The following HIRIP3 variants were observed in gnomAD, a reference collection of about 807,000 sequenced individuals.
HIRIP3 encodes the protein HIRA interacting protein 3.
In HIRIP3, 40 loss-of-function variants were observed where a neutral mutation model predicts 50.3. That is an observed-to-expected ratio of 0.79 (90% CI 0.62 to 1.03). The LOEUF is 1.03. Ranked by LOEUF, HIRIP3 falls within the 50% of genes least tolerant of loss-of-function variation. HIRIP3 has a pLI of 0.00. For missense variants in HIRIP3, 765 were observed against 705.4 expected, an observed-to-expected ratio of 1.08 and a Z score of -0.96; for synonymous variants, 318 against 261.6, an observed-to-expected ratio of 1.22 and a Z score of -2.08.
At chr16:29,996,024 C>G, upstream of HIRIP3, 1 of 583,106 alleles carries the variant, frequency 1.7e-6, no homozygotes. Context: ...CTTCAAGTGT[C>G]TAAGTACATT....
In HIRIP3 at chr16:29,993,955, C is replaced by T. The variant is rs376914744; in HGVS notation, c.1190G>A (p.Arg397Gln). 3 of 1,560,198 alleles carry T rather than the reference C, an allele frequency of 1.9e-6. No individual in the cohort carries two copies. Among genetic ancestry groups the T allele is most frequent in the Non-Finnish European group, 2.6e-6 (3 of 1,153,666 alleles). The stretch of plus-strand genomic sequence containing the variant: ...TCCATCTGAGGAGGAAGAGGAGCTT[C>T]GTGTCCTGCCTTTCCTGGAGCTCTT... ...SKKSSRKGRT[R>Q]SSSSSSDGSP... Residue 397 changes from arginine (R) to glutamine (Q), a missense_variant, in exon 4 of 7, where the codon CGA (arginine) becomes CAA (glutamine). Arg to Gln is a conservative substitution (Grantham distance 43, BLOSUM62 1). Coordinates refer to ENST00000279392, the MANE Select transcript of HIRIP3 (RefSeq NM_003609.5).
At position 29,994,177 on chromosome 16, in the gene HIRIP3, A is replaced by G. The variant is rs201298083; in HGVS notation, c.968T>C (p.Leu323Pro). 6.2e-7 allele frequency: 1 copy of G among 1,613,884 alleles called. No individual in the cohort carries two copies. Among genetic ancestry groups the G allele is most frequent in the Admixed American group, 1.7e-5 (1 of 59,992 alleles). Reference sequence around the variant, plus strand: ...TCCACTCAACCTCTTCCCACCCTTAAGCTGGGTCCTGTCCTCACTCTTCCT... The same window carrying G: ...TCCACTCAACCTCTTCCCACCCTTAGGCTGGGTCCTGTCCTCACTCTTCCT... ...VQRKSEDRTQLKGGKRLSGSS... is the reference protein window; with the variant it reads ...VQRKSEDRTQPKGGKRLSGSS... Residue 323 changes from leucine (L) to proline (P), a missense_variant, in exon 4 of 7, where the codon CTT becomes CCT. Physicochemically the swap from Leu to Pro is moderately conservative, Grantham distance 98. Coordinates refer to ENST00000279392, the MANE Select transcript of HIRIP3 (RefSeq NM_003609.5).
chr16:29,996,058 G>C (rs1468052094), upstream of HIRIP3: 2 of 596,440 alleles, frequency 3.4e-6, no homozygotes, highest in South Asian at 2.0e-5. Flanking sequence ...GCGCTTTCCA[G>C]CGTCCGCCAT....
chr16:29,995,064 C>T, intron 3 of HIRIP3, 39 bp downstream of exon 3: 1 of 1,587,504 alleles, frequency 6.3e-7, no homozygotes. Flanking sequence ...AGTGAACCAA[C>T]GATGCAGAAG....
At chr16:29,995,249 C>T (rs2070063719) in intron 2 of HIRIP3, 32 bp from the exon 3 acceptor site, 3 of 1,613,986 alleles carry the variant, frequency 1.9e-6, no homozygotes, top group Non-Finnish European at 2.5e-6. Flanking sequence ...AAACTATGCA[C>T]CAAGGCTGCG....
At position 29,993,448 on chromosome 16, in the gene HIRIP3, A is replaced by C; in HGVS notation, c.1507+11T>G. ...CTATCTGCTCCTGGGCAGTGAGAGGAAACCCCTTACCCGAGCCACTGATGA... is the reference window on the plus strand; with the variant it reads ...CTATCTGCTCCTGGGCAGTGAGAGGCAACCCCTTACCCGAGCCACTGATGA... On this transcript the variant is annotated intron_variant, in intron 6 of 6. Coordinates refer to ENST00000279392, the MANE Select transcript of HIRIP3 (RefSeq NM_003609.5). 2.5e-6 allele frequency: 4 copies of C among 1,607,738 alleles called. No homozygotes were observed. Among genetic ancestry groups the C allele is most frequent in the Non-Finnish European group, 3.4e-6 (4 of 1,175,630 alleles).
intron 4 of HIRIP3, 47 bp from the exon 5 acceptor site, chr16:29,993,855 C>A (rs905994242): frequency 6.2e-7 from 1 of 1,608,724 alleles, no homozygotes; most frequent in Non-Finnish European, 8.5e-7. Flanking sequence ...GGGCCTGAGG[C>A]AGGGTCTCCC....
At position 29,994,557 on chromosome 16, in the gene HIRIP3, A is replaced by T; in HGVS notation, c.588T>A (p.Ser196Arg). The T allele has an allele frequency of 1.9e-6, 3 of 1,612,876 alleles. No individual in the cohort carries two copies. Among genetic ancestry groups the T allele is most frequent in the Non-Finnish European group, 2.5e-6 (3 of 1,179,684 alleles). Residue 196 changes from serine (S) to arginine (R), a missense_variant, in exon 4 of 7, where the codon AGT becomes AGA. Ser to Arg is a moderately radical substitution (Grantham distance 110). Coordinates refer to ENST00000279392, the MANE Select transcript of HIRIP3 (RefSeq NM_003609.5). ...GAACGGGTTCTGCCTCGCTCTCCTC[A>T]CTTTCTTCCCTGGCCTGCTTCCTAC... ...SVSRKQAREE[S>R]EESEAEPVQR...
In HIRIP3 at chr16:29,995,356, A is replaced by C. The variant is rs1135661; in HGVS notation, c.173T>G (p.Leu58Arg). 4 of 1,611,448 alleles carry C rather than the reference A, an allele frequency of 2.5e-6. No homozygotes were observed. Among genetic ancestry groups the C allele is most frequent in the Middle Eastern group, 1.7e-4 (1 of 6,050 alleles). ...QALKRLVEEE[L>R]LKMQVDEAAS... Reference sequence around the variant, plus strand: ...GGCCCGGCACACCTGCATCTTCAGCAGCTCCTCCTCCACCAGCCGCTTCAG... The same window carrying C: ...GGCCCGGCACACCTGCATCTTCAGCCGCTCCTCCTCCACCAGCCGCTTCAG... Residue 58 changes from leucine to arginine, a missense_variant, in exon 2 of 7, where the codon CTG (leucine) becomes CGG (arginine). By Grantham distance (102) the Leu-to-Arg change is moderately radical (BLOSUM62 -2). Transcript: ENST00000279392.
rs1596653479 is a variant in HIRIP3 at position 29,994,382 on chromosome 16, C to T, written c.763G>A (p.Gly255Arg). ...EEEKEEDEEKGDWKPRTRSNG... is the reference protein window; with the variant it reads ...EEEKEEDEEKRDWKPRTRSNG... ...CTCCTGGTTCTGGGTTTCCAATCCC[C>T]CTTTTCCTCATCCTCTTCTTTCTCT... is the stretch of plus-strand genomic sequence containing the variant. The change falls in exon 4 of 7, where the codon GGG becomes AGG. Residue 255 changes from glycine (G) to arginine (R), a missense_variant. Physicochemically the swap from Gly to Arg is moderately radical, Grantham distance 125. Coordinates refer to ENST00000279392, the MANE Select transcript of HIRIP3 (RefSeq NM_003609.5). 1 of 1,614,100 alleles carries T rather than the reference C, an allele frequency of 6.2e-7. No homozygotes were observed. Among genetic ancestry groups the T allele is most frequent in the Non-Finnish European group, 8.5e-7 (1 of 1,180,016 alleles).
chr16:29,992,337 T>G lies in HIRIP3; in HGVS notation c.*870A>C, dbSNP rs1013869471. 6.6e-6 allele frequency: 1 copy of G among 152,218 alleles called. No individual in the cohort carries two copies. Among genetic ancestry groups the G allele is most frequent in the African/African-American group, 2.4e-5 (1 of 41,452 alleles). The allele number at this position is 152,218 out of a possible 1,614,324, so 9.4% of individuals were successfully genotyped here. A position where few individuals can be genotyped will look rare whatever the true frequency, so the allele number is the denominator to read the frequency against. On this transcript the variant is annotated 3_prime_UTR_variant, in exon 7 of 7. Transcript: ENST00000279392. The stretch of plus-strand genomic sequence containing the variant: ...GCCACTGAATAGTACTGCTTGTGTT[T>G]TATAAAGAGAATTTATTGGGCTGTG...
At position 29,995,609 on chromosome 16, in the gene HIRIP3, G is replaced by C. The variant is rs773678589; in HGVS notation, c.-4C>G. 1.9e-6 allele frequency: 3 copies of C among 1,612,118 alleles called. No homozygotes were observed. The highest frequency in any genetic ancestry group is 4.5e-4 in the Middle Eastern group (2 of 4,476). On this transcript the variant is annotated 5_prime_UTR_variant, in exon 1 of 7. Transcript: ENST00000279392. Reference sequence around the variant, plus strand: ...GCATCTCCTTCTCCCGCGCCATTTTGCTCAACCCGGGATTGACGGCTCCCG... The same window carrying C: ...GCATCTCCTTCTCCCGCGCCATTTTCCTCAACCCGGGATTGACGGCTCCCG...
At position 29,995,562 on chromosome 16, in the gene HIRIP3, A is replaced by T. The variant is rs765862451; in HGVS notation, c.44T>A (p.Phe15Tyr). ...KEMQEFTRSF[F>Y]RGRPDLSTLT... ...GCACCTGAGGTCCGGGCGGCCTCGG[A>T]AGAAGCTACGGGTGAACTCCTGCAT... The change falls in exon 1 of 7, where the codon TTC becomes TAC. Residue 15 changes from phenylalanine to tyrosine, a missense_variant. By Grantham distance (22) the Phe-to-Tyr change is conservative (BLOSUM62 3). Transcript: ENST00000279392. The T allele has an allele frequency of 6.2e-7, 1 of 1,612,812 alleles. No homozygotes were observed. The highest frequency in any genetic ancestry group is 1.3e-5 in the African/African-American group (1 of 75,014).
chr16:29,995,580 T>A lies in HIRIP3; in HGVS notation c.26A>T (p.Glu9Val). Residue 9 changes from glutamate (E) to valine (V), a missense_variant, in exon 1 of 7, where the codon GAG (glutamate) becomes GTG (valine). Coordinates refer to ENST00000279392, the MANE Select transcript of HIRIP3 (RefSeq NM_003609.5). Reference protein sequence around the residue: MAREKEMQEFTRSFFRGRP... With the variant: MAREKEMQVFTRSFFRGRP... ...GCCTCGGAAGAAGCTACGGGTGAACTCCTGCATCTCCTTCTCCCGCGCCAT... is the reference window on the plus strand; with the variant it reads ...GCCTCGGAAGAAGCTACGGGTGAACACCTGCATCTCCTTCTCCCGCGCCAT... 1 of 1,612,422 alleles carries A rather than the reference T, an allele frequency of 6.2e-7. No individual in the cohort carries two copies. Among genetic ancestry groups the A allele is most frequent in the Non-Finnish European group, 8.5e-7 (1 of 1,179,994 alleles).
chr16:29,995,524 T>G lies in HIRIP3; in HGVS notation c.65+17A>C, dbSNP rs1341592685. 1.9e-6 allele frequency: 3 copies of G among 1,613,342 alleles called. No homozygotes were observed. Among genetic ancestry groups the G allele is most frequent in the Non-Finnish European group, 8.5e-7 (1 of 1,179,918 alleles). Reference sequence around the variant, plus strand: ...CACCCGCGCCCTTTCCAACCCCATCTCCAACCCCCTGGGCACCTGAGGTCC... The same window carrying G: ...CACCCGCGCCCTTTCCAACCCCATCGCCAACCCCCTGGGCACCTGAGGTCC... On this transcript the variant is annotated intron_variant, in intron 1 of 6. Coordinates refer to ENST00000279392, the MANE Select transcript of HIRIP3 (RefSeq NM_003609.5).
chr16:29,994,861 G>A lies in HIRIP3; in HGVS notation c.302-18C>T. 6.3e-7 allele frequency: 1 copy of A among 1,581,680 alleles called. No homozygotes were observed. Among genetic ancestry groups the A allele is most frequent in the Non-Finnish European group, 8.6e-7 (1 of 1,164,642 alleles). ...GCCGGACTCTGGAATATGGAGAGGA[G>A]AGAGGGTTGAGACAGGCTCCTCCTG... On this transcript the variant is annotated intron_variant, in intron 3 of 6. Transcript: ENST00000279392.
rs78703232 is a variant in HIRIP3, at chr16:29,993,669, C to G, written c.1379G>C (p.Arg460Pro). 6.2e-7 allele frequency: 1 copy of G among 1,611,632 alleles called. No individual in the cohort carries two copies. Among genetic ancestry groups the G allele is most frequent in the South Asian group, 1.1e-5 (1 of 91,078 alleles). ...CSHKERLSIL[R>P]AELEALGMKG... ...CATGCCTAGCGCTTCCAGTTCTGCC[C>G]GGAGGATACTCAGGCGCTCCTTGTG... The change falls in exon 5 of 7, where the codon CGG becomes CCG. Residue 460 changes from arginine (R) to proline (P), a missense_variant. By Grantham distance (103) the Arg-to-Pro change is moderately radical. Coordinates refer to ENST00000279392, the MANE Select transcript of HIRIP3 (RefSeq NM_003609.5).
chr16:29,995,777 C>T (rs931477560), upstream of HIRIP3: 4 of 744,994 alleles, frequency 5.4e-6, no homozygotes, highest in Admixed American at 2.7e-5. Flanking sequence ...GACTTGTTTT[C>T]TCTGGGCAGT....
Position 29,995,126 on chromosome 16 carries a change from C to G in HIRIP3, c.278G>C (p.Arg93Thr), listed in dbSNP as rs2070059557. ...PTPCSDPERK[R>T]FRFNSESESG... is the part of the protein sequence containing the mutation. ...ACCCGACTCTGAATTGAAGCGGAAC[C>G]TTTTTCTCTCCGGGTCGCTACAAGG... The change falls in exon 3 of 7, where the codon AGG becomes ACG. Residue 93 changes from arginine to threonine, a missense_variant. Coordinates refer to ENST00000279392, the MANE Select transcript of HIRIP3 (RefSeq NM_003609.5). The G allele has an allele frequency of 6.2e-7, 1 of 1,614,126 alleles. No homozygotes were observed. Among genetic ancestry groups the G allele is most frequent in the Admixed American group, 1.7e-5 (1 of 60,006 alleles).
Sources: allele counts gnomAD v4.1 joint callset, GRCh38; gene constraint gnomAD v4.1.1; transcripts MANE v1.5; gene names NCBI Gene and HGNC (gene_info 2026-07-23, HGNC 2026-07-21).